The following TTC6 variants were observed in gnomAD, a reference collection of about 807,000 sequenced individuals.
TTC6 encodes tetratricopeptide repeat domain 6, also known as tetratricopeptide repeat protein 6.
TTC6 carries 172 observed loss-of-function variants against 210.4 expected under a neutral mutation model. The ratio of observed to expected loss-of-function variants is 0.82; its 90% CI spans 0.72 to 0.93. The LOEUF (loss-of-function observed/expected upper bound fraction) is 0.93, where lower values mean the gene tolerates loss of function less well. Among genes scored for constraint, TTC6 ranks in the 40% least tolerant of loss-of-function variants. The pLI is 0.00. For synonymous variants in TTC6, 804 were observed against 819.6 expected (o/e 0.98, Z 0.32); for missense variants, 2,414 against 2,318.1 (o/e 1.04, Z -0.85).
intron 26 of TTC6, among the ~76,000 whole-genome samples, chr14:37,821,186 G>C (rs1449187747): frequency 6.6e-6 from 1 of 151,724 alleles, no homozygotes; most frequent in Admixed American, 6.6e-5. Context: ...TCATGACTCA[G>C]CCTCCTAAGT....
At chr14:37,813,657 G>T (rs1385921553) in intron 25 of TTC6, among the ~76,000 whole-genome samples, 1 of 152,166 alleles carries the variant, frequency 6.6e-6, no homozygotes, top group East Asian at 1.9e-4. Flanking sequence ...ACTGGGGTAA[G>T]ATCTGAACTC....
chr14:37,786,294 G>A (rs975448642), intron 14 of TTC6, among the ~76,000 whole-genome samples: 3 of 152,182 alleles, frequency 2.0e-5, no homozygotes, highest in Non-Finnish European at 4.4e-5. Flanking sequence ...TTTCCCAGCC[G>A]CTTTGTTTAC....
At chr14:37,772,367 G>C (rs867165935) in intron 14 of TTC6, 1 of 161,244 alleles carries the variant, frequency 6.2e-6, no homozygotes, top group Non-Finnish European at 1.3e-5. Flanking sequence ...GTTTACCTAA[G>C]TAAGCCTGGG....
At chr14:37,752,922 T>C (rs796884512) in intron 13 of TTC6, among the ~76,000 whole-genome samples, 177 bp from the exon 16 acceptor site, 3 of 152,214 alleles carry the variant, frequency 2.0e-5, no homozygotes, top group East Asian at 1.9e-4. Context: ...AATTTGATGA[T>C]GGAAAAAATC....
At chr14:37,731,324 CCTT>C (rs1301070539) in intron 7 of TTC6, among the ~76,000 whole-genome samples, 5 of 152,160 alleles carry the variant, frequency 3.3e-5, no homozygotes, top group Non-Finnish European at 5.9e-5. Context: ...CACATTGCAG[CCTT>C]CTTGCACTTA....
rs912794005 is a variant in TTC6, at chr14:37,665,286, G to A, written c.940-14865G>A. Among the ~76,000 whole-genome samples, 6 of 150,428 alleles carry A rather than the reference G, an allele frequency of 4.0e-5. 1 individual carries two copies. The highest frequency in any genetic ancestry group is 7.5e-5 in the Non-Finnish European group (5 of 67,056). On this transcript the variant is annotated intron_variant, in intron 1 of 30. Transcript: ENST00000553443. ...ATGATAGAATGAATAAAGGAAATGT[G>A]GTATATATATACCATGGAATACTAT...
intron 1 of TTC6, among the ~76,000 whole-genome samples, chr14:37,597,920 G>A (rs1353318250): frequency 6.6e-6 from 1 of 152,180 alleles, no homozygotes; most frequent in Non-Finnish European, 1.5e-5. Context: ...TGGCCGCATT[G>A]CAAGATACCT....
intron 10 of TTC6, among the ~76,000 whole-genome samples, chr14:37,747,433 G>A (rs1411358390): frequency 2.0e-5 from 3 of 152,176 alleles, no homozygotes; most frequent in Non-Finnish European, 4.4e-5. Context: ...AAAATGTAAA[G>A]CCATTTTCTA....
At position 37,817,652 on chromosome 14, in the gene TTC6, G is replaced by A. The variant is rs372145204; in HGVS notation, c.4763+1G>A. On this transcript the variant is annotated splice_donor_variant, in intron 26 of 30. Coordinates refer to ENST00000553443, the Ensembl canonical transcript of TTC6. LOFTEE classifies it high-confidence loss of function. ...ACGCCACTGCCATGTGCCATCACAG[G>A]TATGGAGTGCAATTGATGTCAAAGT... is the stretch of plus-strand genomic sequence containing the variant. 6.2e-7 allele frequency: 1 copy of A among 1,613,920 alleles called. No individual in the cohort carries two copies. Among genetic ancestry groups the A allele is most frequent in the Non-Finnish European group, 8.5e-7 (1 of 1,179,810 alleles).
At chr14:37,713,488 T>G (rs978653128) in intron 5 of TTC6, among the ~76,000 whole-genome samples, 1 of 152,168 alleles carries the variant, frequency 6.6e-6, no homozygotes, top group African/African-American at 2.4e-5. Context: ...TCTGCCTGCC[T>G]CAGCCTCCCA....
intron 10 of TTC6, among the ~76,000 whole-genome samples, chr14:37,748,386 A>C (rs1041738597): frequency 2.0e-5 from 3 of 152,208 alleles, no homozygotes; most frequent in Non-Finnish European, 4.4e-5. Context: ...CATGTTACTC[A>C]ATGAAGACTA....
chr14:37,809,596 G>A (rs544749765), intron 24 of TTC6, among the ~76,000 whole-genome samples: 1 of 152,224 alleles, frequency 6.6e-6, no homozygotes, highest in Non-Finnish European at 1.5e-5. Context: ...AGTTTGTGTA[G>A]GCATTCTTTT....
rs886452142 is a variant in TTC6, at chr14:37,792,406, T to C, written c.3700T>C (p.Tyr1234His). The C allele has an allele frequency of 2.0e-6, 3 of 1,504,218 alleles. No individual in the cohort carries two copies. The African/African-American group carries it at 4.2e-5, about 21-fold the overall frequency. 93.2% of individuals were successfully genotyped at this position (1,504,218 alleles called of 1,614,324 possible). A position where few individuals can be genotyped will look rare whatever the true frequency, so the allele number is the denominator to read the frequency against. The change falls in exon 17 of 31, where the codon TAT becomes CAT. Residue 1234 changes from tyrosine to histidine, a missense_variant. Coordinates refer to ENST00000553443, the Ensembl canonical transcript of TTC6. ...AAGCTATCTTTGTCGGGCGGAAACC[T>C]ATTTTAAGGTATTTAAGGCTCGAGA...
chr14:37,662,767 GT>G (rs1487095559), intron 1 of TTC6, among the ~76,000 whole-genome samples: 1 of 152,130 alleles, frequency 6.6e-6, no homozygotes, highest in Non-Finnish European at 1.5e-5. Context: ...ATTAGTCTAT[GT>G]GCCTGTTTTT....
chr14:37,598,752 G>A lies in TTC6; in HGVS notation c.-235+2744G>A, dbSNP rs950636904. On this transcript the variant is annotated intron_variant, in intron 1 of 2. Transcript: ENST00000556845. This position sits in a 1 kb window ranked among gnomAD's most constrained non-coding sequence, Gnocchi z 4.9. The stretch of plus-strand genomic sequence containing the variant: ...GACCGCAGGGTTGGCAGACAGCAGG[G>A]CCTGGGCCGGCGGGGCTCTGCGGTG... 3.3e-5 allele frequency among the ~76,000 whole-genome samples: 5 copies of A among 152,314 alleles called. No homozygotes were observed. Among genetic ancestry groups the A allele is most frequent in the East Asian group, 3.9e-4 (2 of 5,148 alleles).
chr14:37,804,292 CTAG>C (rs1186243441), intron 20 of TTC6, among the ~76,000 whole-genome samples: 1 of 151,922 alleles, frequency 6.6e-6, no homozygotes, highest in Admixed American at 6.6e-5. Context: ...CTTTTACTAC[CTAG>C]TAGCTTCCCA....
intron 1 of TTC6, among the ~76,000 whole-genome samples, chr14:37,633,473 A>G (rs1595039891): frequency 6.6e-6 from 1 of 152,048 alleles, no homozygotes; most frequent in South Asian, 2.1e-4. Flanking sequence ...AACCAGTCCC[A>G]TTGTGATGAG....
chr14:37,810,147 T>C (rs2096126794), intron 24 of TTC6, among the ~76,000 whole-genome samples: 1 of 152,178 alleles, frequency 6.6e-6, no homozygotes, highest in Non-Finnish European at 1.5e-5. Context: ...CCTCCAGAAA[T>C]GTTGATAAAT....
At chr14:37,625,536 G>A (rs1396474668) in intron 1 of TTC6, among the ~76,000 whole-genome samples, 1 of 143,814 alleles carries the variant, frequency 7.0e-6, no homozygotes, top group Non-Finnish European at 1.5e-5. Flanking sequence ...GGACAAGAGC[G>A]AGACTTCGTC....
Sources: gnomAD v4.1 joint callset for allele counts (sites outside exome capture counted in the v4.1 genomes callset) on GRCh38, gnomAD v4.1.1 for gene constraint, Gnocchi (gnomAD v3.1) non-coding constraint, MANE v1.5 for transcripts, NCBI Gene and HGNC (gene_info 2026-07-23, HGNC 2026-07-21) for gene names.